Variants in RUNX3 observed in about 807,000 individuals in gnomAD.
The protein encoded by RUNX3 is RUNX family transcription factor 3, also known as runt-related transcription factor 3.
Under a neutral mutation model 27.7 loss-of-function variants are expected in RUNX3, and 10 were observed. The ratio of observed to expected loss-of-function variants is 0.36; its 90% CI spans 0.22 to 0.61. The LOEUF (loss-of-function observed/expected upper bound fraction) is 0.61. Among genes scored for constraint, RUNX3 ranks in the 20% least tolerant of loss-of-function variants. The pLI is 0.72. For missense variants in RUNX3, 469 were observed against 629.5 expected (o/e 0.75, Z 2.73); for synonymous variants, 270 against 269.2 (o/e 1.00, Z -0.03).
At chr1:24,934,432 G>A (rs1271094212), upstream of RUNX3, among the ~76,000 whole-genome samples, 1 of 152,188 alleles carries the variant, frequency 6.6e-6, no homozygotes, top group East Asian at 1.9e-4. Context: ...AGGGAGAGCA[G>A]GGTGGTGAGG....
At chr1:24,913,143 G>C (rs1167190680) in intron 3 of RUNX3, among the ~76,000 whole-genome samples, 2 of 152,198 alleles carry the variant, frequency 1.3e-5, no homozygotes, top group African/African-American at 4.8e-5. Flanking sequence ...TGGAGGACAG[G>C]CCACATGCTT....
intron 3 of RUNX3, among the ~76,000 whole-genome samples, chr1:24,910,539 T>C (rs1040131371): frequency 6.6e-6 from 1 of 152,166 alleles, no homozygotes; most frequent in African/African-American, 2.4e-5. Context: ...AGGCCTCGCA[T>C]GGGCCTGATT....
In RUNX3 at chr1:24,929,946, G is replaced by A; in HGVS notation, c.-78C>T. 2 of 1,214,226 alleles carry A rather than the reference G, an allele frequency of 1.6e-6. No homozygotes were observed. The highest frequency in any genetic ancestry group is 2.0e-6 in the Non-Finnish European group (2 of 978,356). 75.2% of individuals were successfully genotyped at this position (1,214,226 alleles called of 1,614,324 possible). A position where few individuals can be genotyped will look rare whatever the true frequency, so the allele number is the denominator to read the frequency against. On this transcript the variant is annotated 5_prime_UTR_variant, in exon 1 of 5. Transcript: ENST00000308873. The stretch of plus-strand genomic sequence containing the variant: ...GGGCGGCCGGCGCGGGCGCCTCCTC[G>A]GCCGCCGCTGCCGCGAGAAGCGGGA...
At position 24,916,384 on chromosome 1, in the gene RUNX3, T is replaced by C. The variant is rs1035343902; in HGVS notation, c.544+2856A>G. ...AAAGGCCCTTCCAAGTGGCCCTCAC[T>C]TCCCGCAGCCCCCGGGTCGGAGCCC... On this transcript the variant is annotated intron_variant, in intron 3 of 4. Transcript: ENST00000308873. This position sits in a 1 kb window ranked among gnomAD's most constrained non-coding sequence, Gnocchi z 4.8. Among the ~76,000 whole-genome samples the C allele has an allele frequency of 8.6e-5, 13 of 151,710 alleles. No homozygotes were observed. The highest frequency in any genetic ancestry group is 1.5e-4 in the Non-Finnish European group (10 of 68,012).
intron 2 of RUNX3, among the ~76,000 whole-genome samples, chr1:24,942,561 T>G (rs952713525): frequency 1.3e-5 from 2 of 151,990 alleles, no homozygotes; most frequent in African/African-American, 4.8e-5. Context: ...ACCAGAGGGT[T>G]GAGAGGGACC....
chr1:24,945,360 A>G (rs1641580462), intron 2 of RUNX3, among the ~76,000 whole-genome samples: 1 of 152,242 alleles, frequency 6.6e-6, no homozygotes, highest in Admixed American at 6.5e-5. Flanking sequence ...AGTGAAATAG[A>G]TAAGCAAATG....
chr1:24,915,327 G>A (rs939090375), intron 3 of RUNX3, among the ~76,000 whole-genome samples: 1 of 152,176 alleles, frequency 6.6e-6, no homozygotes, highest in Non-Finnish European at 1.5e-5. Flanking sequence ...GGGAGGCTGA[G>A]GCAAGAGAAT....
intron 2 of RUNX3, among the ~76,000 whole-genome samples, chr1:24,919,821 T>G (rs1640963629): frequency 6.6e-6 from 1 of 151,774 alleles, no homozygotes; most frequent in Admixed American, 6.6e-5. Context: ...CTTTCAGCTC[T>G]TTTTGTATGG....
chr1:24,933,177 TA>T (rs547978445), upstream of RUNX3, among the ~76,000 whole-genome samples: 270 of 152,326 alleles, frequency 1.8e-3, 2 homozygotes, highest in African/African-American at 6.4e-3. Context: ...GGAAACCGCC[TA>T]AGAGGTCCAT....
At chr1:24,931,369 C>T (rs989959509), upstream of RUNX3, among the ~76,000 whole-genome samples, 4 of 152,196 alleles carry the variant, frequency 2.6e-5, no homozygotes, top group East Asian at 7.7e-4. Context: ...GTGGCCCAAC[C>T]TCTCCTGGGC....
At chr1:24,954,934 T>C (rs1452652511) in intron 2 of RUNX3, among the ~76,000 whole-genome samples, 1 of 152,150 alleles carries the variant, frequency 6.6e-6, no homozygotes, top group African/African-American at 2.4e-5. Context: ...CTTGGTTCAG[T>C]CCTGGAGCCC....
intron 2 of RUNX3, among the ~76,000 whole-genome samples, chr1:24,947,988 A>G (rs1278153775): frequency 1.3e-5 from 2 of 152,202 alleles, no homozygotes; most frequent in African/African-American, 4.8e-5. Context: ...CAGTTTCCCC[A>G]TCTGTCAGAC....
intron 2 of RUNX3, among the ~76,000 whole-genome samples, chr1:24,954,726 G>A (rs1239319191): frequency 6.6e-6 from 1 of 152,160 alleles, no homozygotes; most frequent in Non-Finnish European, 1.5e-5. Flanking sequence ...AGCCCTCTAC[G>A]TGCCTCAGAG....
rs1295517545 is a variant in RUNX3 at position 24,938,567 on chromosome 1, G to A, written c.59-8715C>T. 3.9e-5 allele frequency among the ~76,000 whole-genome samples: 6 copies of A among 152,170 alleles called. No homozygotes were observed. In the South Asian group the frequency reaches 1.2e-3, roughly 32 times the overall value. The stretch of plus-strand genomic sequence containing the variant: ...TCAGGCACCCTCAGTGTCCAGGCCT[G>A]GAAATCACAGCTAAGAGTCCTTGGC... On this transcript the variant is annotated intron_variant, in intron 2 of 6. Transcript: ENST00000338888.
chr1:24,911,541 C>T (rs1488054842), intron 3 of RUNX3, among the ~76,000 whole-genome samples: 1 of 152,236 alleles, frequency 6.6e-6, no homozygotes, highest in African/African-American at 2.4e-5. Context: ...TGGACACTTT[C>T]CAGTCACGTG....
At chr1:24,907,541 G>C in intron 3 of RUNX3, 124 bp from the exon 4 acceptor site, 1 of 954,738 alleles carries the variant, frequency 1.0e-6, no homozygotes, top group Non-Finnish European at 1.5e-6. Flanking sequence ...GGAGAACCCT[G>C]AGGTCACCGC....
intron 3 of RUNX3, among the ~76,000 whole-genome samples, chr1:24,918,806 G>A (rs1353808803): frequency 4.6e-5 from 7 of 152,178 alleles, no homozygotes; most frequent in Non-Finnish European, 1.0e-4. Flanking sequence ...CAGTTTCCAA[G>A]GAAGAGGCCT....
At position 24,904,947 on chromosome 1, in the gene RUNX3, T is replaced by G. The variant is rs1312402601; in HGVS notation, c.704-2281A>C. ...CAATCCCAACAGTGGAAAGAAATGT[T>G]TATTTTCTTCTCCAGATTGTCCGGG... On this transcript the variant is annotated intron_variant, in intron 4 of 4. Transcript: ENST00000308873. This position sits in a 1 kb window ranked among gnomAD's most constrained non-coding sequence, Gnocchi z 5.7. Among the ~76,000 whole-genome samples, 1 of 152,174 alleles carries G rather than the reference T, an allele frequency of 6.6e-6. No homozygotes were observed. The highest frequency in any genetic ancestry group is 2.4e-5 in the African/African-American group (1 of 41,438).
Position 24,900,312 on chromosome 1 carries a change from G to A in RUNX3, c.*1810C>T, listed in dbSNP as rs970048436. The A allele has an allele frequency of 6.6e-6, 1 of 152,414 alleles. No individual in the cohort carries two copies. The highest frequency in any genetic ancestry group is 2.4e-5 in the African/African-American group (1 of 41,466). 9.4% of individuals were successfully genotyped at this position (152,414 alleles called of 1,614,324 possible). On this transcript the variant is annotated 3_prime_UTR_variant, in exon 5 of 5. Transcript: ENST00000308873. ...TGCCTAACCTGCCAGTGTGTCTCTG[G>A]TGTATGGTTCTGGCCGTTGTGACAG... is the stretch of plus-strand genomic sequence containing the variant.
Sources: gnomAD v4.1 joint callset for allele counts (sites outside exome capture counted in the v4.1 genomes callset) on GRCh38, gnomAD v4.1.1 for gene constraint, Gnocchi (gnomAD v3.1) non-coding constraint, MANE v1.5 for transcripts, NCBI Gene and HGNC (gene_info 2026-07-23, HGNC 2026-07-21) for gene names.